KCNJ12: variants seen among roughly 807,000 people sequenced by gnomAD.
The protein encoded by KCNJ12 is ATP-sensitive inward rectifier potassium channel 12.
A neutral mutation model predicts 22.3 loss-of-function variants in KCNJ12; 2 were observed. That is an observed-to-expected ratio of 0.09 (90% CI 0.04 to 0.28). The LOEUF (loss-of-function observed/expected upper bound fraction) is 0.28. KCNJ12 is among the 10% of genes least tolerant of loss of function. The pLI, the probability that KCNJ12 is intolerant of heterozygous loss-of-function variation, is 1.00. For synonymous variants in KCNJ12, 117 were observed against 261.4 expected (o/e 0.45, Z 5.33); for missense variants, 155 against 633.3 (o/e 0.24, Z 8.11).
chr17:21,388,829 G>A (rs1341371908), intron 1 of KCNJ12, among the ~76,000 whole-genome samples: 10 of 152,306 alleles, frequency 6.6e-5, no homozygotes, highest in East Asian at 5.8e-4. Flanking sequence ...AACCCCAATC[G>A]GGAAGCCTCG....
intron 1 of KCNJ12, among the ~76,000 whole-genome samples, chr17:21,383,225 G>A (rs1215085788): frequency 1.3e-5 from 2 of 152,204 alleles, no homozygotes; most frequent in East Asian, 1.9e-4. Flanking sequence ...AGCTGCAGCC[G>A]GGCCCGAGCT....
intron 1 of KCNJ12, among the ~76,000 whole-genome samples, chr17:21,407,734 A>ACCAT (rs1301387646): frequency 3.4e-5 from 5 of 148,494 alleles, no homozygotes; most frequent in South Asian, 2.1e-4. Flanking sequence ...CATCTATCCA[A>ACCAT]CCATCCATCC....
Position 21,412,718 on chromosome 17 carries a change from A to G in KCNJ12, c.-56-2569A>G, listed in dbSNP as rs544061796. On this transcript the variant is annotated intron_variant, in intron 2 of 2. Transcript: ENST00000583088. ...CCCTGCGTCCCAGCTCCTCAGCGTCATGGTGAGGTGGTCAGCCACAGCGGT... is the reference window on the plus strand; with the variant it reads ...CCCTGCGTCCCAGCTCCTCAGCGTCGTGGTGAGGTGGTCAGCCACAGCGGT... 2.6e-5 allele frequency among the ~76,000 whole-genome samples: 4 copies of G among 152,424 alleles called. No homozygotes were observed. The South Asian group carries it at 6.2e-4, about 24-fold the overall frequency.
At chr17:21,385,898 C>T (rs1219866453) in intron 1 of KCNJ12, among the ~76,000 whole-genome samples, 1 of 152,246 alleles carries the variant, frequency 6.6e-6, no homozygotes, top group Non-Finnish European at 1.5e-5. Context: ...GCCTCAGTGT[C>T]CTCCCCTGTG....
At chr17:21,394,436 A>G (rs1390075012) in intron 1 of KCNJ12, among the ~76,000 whole-genome samples, 1 of 152,244 alleles carries the variant, frequency 6.6e-6, no homozygotes, top group African/African-American at 2.4e-5. Flanking sequence ...ATGTTTGCTC[A>G]GTGATGAAAC....
chr17:21,389,612 C>A (rs1285709901), intron 1 of KCNJ12, among the ~76,000 whole-genome samples: 1 of 152,126 alleles, frequency 6.6e-6, no homozygotes, highest in Non-Finnish European at 1.5e-5. Flanking sequence ...AGCAGCTGTG[C>A]CCTCAGAGCC....
At chr17:21,381,016 G>A (rs994368639) in intron 1 of KCNJ12, among the ~76,000 whole-genome samples, 2 of 152,214 alleles carry the variant, frequency 1.3e-5, no homozygotes, top group Non-Finnish European at 2.9e-5. Context: ...CCTCTAATTA[G>A]CCTTCAGCCA....
chr17:21,412,289 C>G (rs1320249), intron 2 of KCNJ12, among the ~76,000 whole-genome samples: 90,605 of 143,140 alleles, frequency 0.63, 27,222 homozygotes, highest in African/African-American at 0.71. Flanking sequence ...GGCAGGTCTG[C>G]GGTGCCCAGC....
chr17:21,410,797 C>T lies in KCNJ12; in HGVS notation c.-57+2157C>T, dbSNP rs558995661. ...CACTCCTGAAAGGCTGTGTAACCAT[C>T]ACAGTGACTCAATCTTCCTAGGCTT... is the stretch of plus-strand genomic sequence containing the variant. On this transcript the variant is annotated intron_variant, in intron 2 of 2. Coordinates refer to ENST00000583088, the MANE Select transcript of KCNJ12 (RefSeq NM_021012.5). 5.9e-5 allele frequency among the ~76,000 whole-genome samples: 9 copies of T among 152,402 alleles called. No homozygotes were observed. In the South Asian group the frequency reaches 1.9e-3, roughly 32 times the overall value.
chr17:21,401,227 GA>G (rs1434447683), intron 1 of KCNJ12, among the ~76,000 whole-genome samples: 1 of 138,412 alleles, frequency 7.2e-6, no homozygotes, highest in African/African-American at 2.7e-5. Flanking sequence ...AGGGCATCCC[GA>G]CTGTGACCTG....
intron 1 of KCNJ12, among the ~76,000 whole-genome samples, chr17:21,395,568 C>CAAAAAAAAAAAAAAA (rs10652801): frequency 4.8e-4 from 23 of 48,120 alleles, no homozygotes; most frequent in Non-Finnish European, 5.6e-4. Flanking sequence ...GACTTCTTCT[C>CAAAAAAAAAAAAAAA]AAAAAAAAAA....
intron 1 of KCNJ12, among the ~76,000 whole-genome samples, chr17:21,391,409 G>A (rs1469546435): frequency 2.0e-5 from 3 of 152,180 alleles, no homozygotes; most frequent in Admixed American, 6.5e-5. Flanking sequence ...TCCAGCCTGC[G>A]TTCTTGCTGT....
intron 2 of KCNJ12, 93 bp from the exon 3 acceptor site, chr17:21,415,194 A>G: frequency 1.5e-6 from 2 of 1,334,078 alleles, no homozygotes; most frequent in African/African-American, 1.4e-5. Flanking sequence ...TCAGGGTGGA[A>G]GCGTCCTCCA....
At chr17:21,379,892 G>T (rs1437257817) in intron 1 of KCNJ12, among the ~76,000 whole-genome samples, 1 of 152,146 alleles carries the variant, frequency 6.6e-6, no homozygotes, top group Non-Finnish European at 1.5e-5. Flanking sequence ...CCCAGCCCTG[G>T]GTCAGCTGAC....
At chr17:21,410,522 C>A (rs2364018) in intron 2 of KCNJ12, among the ~76,000 whole-genome samples, 1 of 143,030 alleles carries the variant, frequency 7.0e-6, no homozygotes, top group Non-Finnish European at 1.5e-5. Flanking sequence ...GGTCTTCCAA[C>A]GGTGAGGCTT....
rs34388140 is a variant in KCNJ12 at position 21,417,540 on chromosome 17, C to G, written c.*896C>G. 1 of 161,020 alleles carries G rather than the reference C, an allele frequency of 6.2e-6. No individual in the cohort carries two copies. The highest frequency in any genetic ancestry group is 1.5e-5 in the Non-Finnish European group (1 of 65,842). 10.0% of individuals were successfully genotyped at this position (161,020 alleles called of 1,614,324 possible). A position where few individuals can be genotyped will look rare whatever the true frequency, so the allele number is the denominator to read the frequency against. On this transcript the variant is annotated 3_prime_UTR_variant, in exon 3 of 3. Coordinates refer to ENST00000583088, the MANE Select transcript of KCNJ12 (RefSeq NM_021012.5). The stretch of plus-strand genomic sequence containing the variant: ...TCTCCATTTCTGTCCAGGCCTCCGC[C>G]CAATTCCACAGTGAGGGGTGGTTAG...
rs1905052622 is a variant in KCNJ12 at position 21,385,793 on chromosome 17, G to T, written c.-179+8880G>T. ...CATGACCAGGCTCTTGGTGGCCTTA[G>T]GACCAGCTGCCGCTGGGTGGGGATG... is the stretch of plus-strand genomic sequence containing the variant. On this transcript the variant is annotated intron_variant, in intron 1 of 2. Transcript: ENST00000583088. 5.3e-5 allele frequency among the ~76,000 whole-genome samples: 8 copies of T among 152,370 alleles called. No homozygotes were observed. The South Asian group carries it at 1.7e-3, about 32-fold the overall frequency.
At chr17:21,398,460 G>A (rs113760109) in intron 1 of KCNJ12, among the ~76,000 whole-genome samples, 14 of 152,318 alleles carry the variant, frequency 9.2e-5, no homozygotes, top group African/African-American at 3.4e-4. Context: ...AGACCTCTAC[G>A]GCCCCCACTG....
chr17:21,409,685 T>C (rs1714897), intron 2 of KCNJ12, among the ~76,000 whole-genome samples: 1 of 152,292 alleles, frequency 6.6e-6, no homozygotes, highest in Non-Finnish European at 1.5e-5. Context: ...AGCGTGCCCA[T>C]GGCTAGAGAG....
Sources: gnomAD v4.1 joint callset for allele counts (sites outside exome capture counted in the v4.1 genomes callset) on GRCh38, gnomAD v4.1.1 for gene constraint, MANE v1.5 for transcripts, NCBI Gene and HGNC (gene_info 2026-07-23, HGNC 2026-07-21) for gene names.